Variants in CENPC observed in about 807,000 individuals in gnomAD.
CENPC encodes centromere protein C.
A neutral mutation model predicts 112.1 loss-of-function variants in CENPC; 63 were observed. That is an observed-to-expected ratio of 0.56 (90% CI 0.46 to 0.69). The LOEUF (loss-of-function observed/expected upper bound fraction) is 0.69. Ranked by LOEUF, CENPC falls within the 30% of genes least tolerant of loss-of-function variation. CENPC has a pLI of 0.00. For missense variants in CENPC, 1,000 were observed against 1,103.8 expected (o/e 0.91, Z 1.33); for synonymous variants, 333 against 367.6 (o/e 0.91, Z 1.08).
At chr4:67,525,633 A>G (rs777280107) in intron 5 of CENPC, among the ~76,000 whole-genome samples, 1 of 152,212 alleles carries the variant, frequency 6.6e-6, no homozygotes, top group Non-Finnish European at 1.5e-5. Context: ...ACCATCTCAC[A>G]CCAGTTAGAA....
In CENPC at chr4:67,508,804, C is replaced by T; in HGVS notation, c.1904+10G>A. On this transcript the variant is annotated intron_variant, in intron 10 of 18. Coordinates refer to ENST00000273853, the MANE Select transcript of CENPC (RefSeq NM_001812.4). ...AAAAGTAACTATATTGTACACATAA[C>T]AGACATTACCTAGAACAATCAAGAT... 6.2e-7 allele frequency: 1 copy of T among 1,610,438 alleles called. No individual in the cohort carries two copies. Among genetic ancestry groups the T allele is most frequent in the Non-Finnish European group, 8.5e-7 (1 of 1,178,148 alleles).
At chr4:67,518,007 T>C (rs1469892059) in intron 7 of CENPC, 149 bp downstream of exon 7, 2 of 466,372 alleles carry the variant, frequency 4.3e-6, no homozygotes, top group Non-Finnish European at 7.5e-6. Context: ...TAAAAAACCA[T>C]CTCTCCTTAC....
chr4:67,514,808 A>G (rs1016654346), intron 7 of CENPC, 121 bp from the exon 8 acceptor site: 5 of 971,528 alleles, frequency 5.1e-6, no homozygotes, highest in South Asian at 2.0e-5. Flanking sequence ...TATCTCCTCA[A>G]TTTTCCCTTA....
At chr4:67,503,490 C>A (rs978676797) in intron 12 of CENPC, among the ~76,000 whole-genome samples, 5 of 152,118 alleles carry the variant, frequency 3.3e-5, no homozygotes, top group Non-Finnish European at 7.4e-5. Context: ...AATTTGTTAT[C>A]TTTTTATATT....
Position 67,495,180 on chromosome 4 carries a change from T to C in CENPC, c.2164A>G (p.Asn722Asp), listed in dbSNP as rs1327411750. ...TTACCTAGTTTGTGATGGATTCTGT[T>C]CTTTGGTATCACTTTAGATTGTTTT... ...DSKQSKVIPKNRIHHKLVLPS... is the reference protein window; with the variant it reads ...DSKQSKVIPKDRIHHKLVLPS... The change falls in exon 13 of 19, where the codon AAC (asparagine) becomes GAC (aspartate). Residue 722 changes from asparagine to aspartate, a missense_variant. Physicochemically the swap from Asn to Asp is conservative, Grantham distance 23 (BLOSUM62 1). Coordinates refer to ENST00000273853, the MANE Select transcript of CENPC (RefSeq NM_001812.4). 1.3e-6 allele frequency: 2 copies of C among 1,531,436 alleles called. No homozygotes were observed. Among genetic ancestry groups the C allele is most frequent in the Non-Finnish European group, 1.8e-6 (2 of 1,140,730 alleles). 94.9% of individuals were successfully genotyped at this position (1,531,436 alleles called of 1,614,324 possible). A position where few individuals can be genotyped will look rare whatever the true frequency, so the allele number is the denominator to read the frequency against.
At chr4:67,532,907 A>T (rs978069188) in intron 4 of CENPC, among the ~76,000 whole-genome samples, 2 of 152,236 alleles carry the variant, frequency 1.3e-5, no homozygotes, top group East Asian at 3.8e-4. Context: ...AATAATTTTT[A>T]AAAAAGCAAA....
intron 17 of CENPC, among the ~76,000 whole-genome samples, chr4:67,488,195 A>G (rs915318518): frequency 6.7e-6 from 1 of 149,404 alleles, no homozygotes; most frequent in African/African-American, 2.6e-5. Flanking sequence ...ATTTATCCCA[A>G]GGGTCTTCAT....
intron 5 of CENPC, among the ~76,000 whole-genome samples, chr4:67,527,943 G>T (rs1726432354): frequency 6.6e-6 from 1 of 151,968 alleles, no homozygotes; most frequent in Non-Finnish European, 1.5e-5. Flanking sequence ...TAAAATCATA[G>T]AACAGACATG....
chr4:67,505,117 T>C, intron 12 of CENPC, 88 bp downstream of exon 12: 1 of 890,102 alleles, frequency 1.1e-6, no homozygotes, highest in Non-Finnish European at 1.8e-6. Flanking sequence ...ACACTCGCCA[T>C]CAGTGACAAT....
At chr4:67,490,423 G>A (rs960601217) in intron 16 of CENPC, among the ~76,000 whole-genome samples, 2 of 152,016 alleles carry the variant, frequency 1.3e-5, no homozygotes, top group Admixed American at 1.3e-4. Flanking sequence ...GAATATCAAC[G>A]AGTTAATGTG....
intron 5 of CENPC, among the ~76,000 whole-genome samples, chr4:67,521,025 A>AC (rs1365071510): frequency 1.0e-4 from 2 of 19,796 alleles, no homozygotes; most frequent in South Asian, 4.6e-3. Flanking sequence ...AAATAAACAA[A>AC]TAAATAAATA....
At chr4:67,475,766 T>A (rs538576693) in intron 17 of CENPC, among the ~76,000 whole-genome samples, 62 of 151,260 alleles carry the variant, frequency 4.1e-4, no homozygotes, top group African/African-American at 1.4e-3. Context: ...GCCTGGCTAA[T>A]TTTTTTTTGT....
chr4:67,531,124 C>T (rs1049836623), intron 4 of CENPC, among the ~76,000 whole-genome samples: 9 of 152,058 alleles, frequency 5.9e-5, no homozygotes, highest in Non-Finnish European at 8.8e-5. Flanking sequence ...AAATTTCATA[C>T]AACCTATCAC....
At chr4:67,482,480 C>T (rs972924389) in intron 17 of CENPC, among the ~76,000 whole-genome samples, 1 of 152,176 alleles carries the variant, frequency 6.6e-6, no homozygotes, top group Admixed American at 6.5e-5. Context: ...TGTGCAACTG[C>T]AGAAATACGG....
At chr4:67,472,842 C>T (rs1172112511) in intron 18 of CENPC, among the ~76,000 whole-genome samples, 167 bp from the exon 19 acceptor site, 1 of 152,110 alleles carries the variant, frequency 6.6e-6, no homozygotes, top group African/African-American at 2.4e-5. Flanking sequence ...AACAGCTAAC[C>T]ATGACACGTG....
At chr4:67,514,034 T>C (rs1388261096) in intron 8 of CENPC, 40 bp downstream of exon 8, 38 of 1,493,274 alleles carry the variant, frequency 2.5e-5, no homozygotes, top group Non-Finnish European at 3.4e-5. Flanking sequence ...ATAAAATGGG[T>C]AGAATAATGC....
Position 67,519,372 on chromosome 4 carries a change from T to G in CENPC, c.462A>C (p.Leu154Phe), listed in dbSNP as rs1251412262. Residue 154 changes from leucine to phenylalanine, a missense_variant, in exon 6 of 19, where the codon TTA becomes TTC. Coordinates refer to ENST00000273853, the MANE Select transcript of CENPC (RefSeq NM_001812.4). ...AAAGAACAGAAGGTGAGCCAACGGA[T>G]AAGTAAAATTCTTCATCAGCTTCAC... ...HHSEADEEFY[L>F]SVGSPSVLLD... 6.2e-7 allele frequency: 1 copy of G among 1,613,298 alleles called. No homozygotes were observed. The highest frequency in any genetic ancestry group is 1.3e-5 in the African/African-American group (1 of 74,920).
chr4:67,519,716 T>C (rs1726168230), intron 5 of CENPC, among the ~76,000 whole-genome samples: 1 of 152,172 alleles, frequency 6.6e-6, no homozygotes, highest in South Asian at 2.1e-4. Flanking sequence ...GGCAGCTAGA[T>C]GATATATTTA....
At position 67,492,784 on chromosome 4, in the gene CENPC, A is replaced by T. The variant is rs759204300; in HGVS notation, c.2419+85T>A. On this transcript the variant is annotated intron_variant, in intron 15 of 18. Coordinates refer to ENST00000273853, the MANE Select transcript of CENPC (RefSeq NM_001812.4). ...TTATTTCTGAAGTTTTTGGAAGTAA[A>T]TTTCATATTTTGCAAAGAGCTTCTT... The T allele has an allele frequency of 1.8e-4, 250 of 1,400,314 alleles. 1 individual carries two copies. The highest frequency in any genetic ancestry group is 2.2e-4 in the Non-Finnish European group (237 of 1,057,310). 86.7% of individuals were successfully genotyped at this position (1,400,314 alleles called of 1,614,324 possible). A position where few individuals can be genotyped will look rare whatever the true frequency, so the allele number is the denominator to read the frequency against.
Sources: gnomAD v4.1 joint callset for allele counts (sites outside exome capture counted in the v4.1 genomes callset) on GRCh38, gnomAD v4.1.1 for gene constraint, MANE v1.5 for transcripts, NCBI Gene and HGNC (gene_info 2026-07-23, HGNC 2026-07-21) for gene names.